MDN1: variants seen among roughly 807,000 people sequenced by gnomAD.
The protein encoded by MDN1 is midasin AAA ATPase 1.
Under a neutral mutation model 669.2 loss-of-function variants are expected in MDN1, and 266 were observed. The observed-to-expected ratio is 0.40, with a 90% CI of 0.36 to 0.44. The LOEUF is 0.44. MDN1 is among the 20% of genes least tolerant of loss of function. The pLI is 1.00. For missense variants in MDN1, 5,940 were observed against 6,754.0 expected (o/e 0.88, Z 4.22); for synonymous variants, 2,385 against 2,457.1 (o/e 0.97, Z 0.87).
At position 89,688,641 on chromosome 6, in the gene MDN1, G is replaced by A; in HGVS notation, c.11191C>T (p.Leu3731Phe). 1.2e-6 allele frequency: 2 copies of A among 1,614,152 alleles called. No individual in the cohort carries two copies. The highest frequency in any genetic ancestry group is 1.7e-6 in the Non-Finnish European group (2 of 1,180,024). ...CTGACAGCCTCTGAGAAACCTTGAA[G>A]CACAGGTTGACACTGCCGTGCTTCT... Reference protein sequence around the residue: ...VPEARQCQPVLQGFSEAVSHL... With the variant: ...VPEARQCQPVFQGFSEAVSHL... Residue 3731 changes from leucine to phenylalanine, a missense_variant, in exon 66 of 102, where the codon CTT (leucine) becomes TTT (phenylalanine). This residue lies in a region of MDN1 where 2,280 missense variants were observed against 2,576.3 expected (regional missense o/e 0.88). Coordinates refer to ENST00000369393, the MANE Select transcript of MDN1 (RefSeq NM_014611.3).
In MDN1 at chr6:89,687,817, G is replaced by A. The variant is rs557285665; in HGVS notation, c.11355+261C>T. Among the ~76,000 whole-genome samples the A allele has an allele frequency of 7.2e-5, 11 of 152,274 alleles. No individual in the cohort carries two copies. The East Asian group carries it at 2.1e-3, about 29-fold the overall frequency. On this transcript the variant is annotated intron_variant, in intron 67 of 101. Coordinates refer to ENST00000369393, the MANE Select transcript of MDN1 (RefSeq NM_014611.3). ...ATGTGGGCACTCAGTTGGAATGAAGGCCCACCTGGAAGGCTGGGAGGAGTG... is the reference window on the plus strand; with the variant it reads ...ATGTGGGCACTCAGTTGGAATGAAGACCCACCTGGAAGGCTGGGAGGAGTG...
intron 76 of MDN1, among the ~76,000 whole-genome samples, chr6:89,677,126 T>C (rs1016193107): frequency 6.6e-6 from 1 of 151,994 alleles, no homozygotes. Flanking sequence ...GAGTCTTACT[T>C]TGCCGCCCAG....
chr6:89,792,802 G>A (rs117087531), intron 5 of MDN1, among the ~76,000 whole-genome samples: 256 of 151,890 alleles, frequency 1.7e-3, no homozygotes, highest in Non-Finnish European at 2.8e-3. Context: ...AGGGGGTCAC[G>A]AGGTCAGGCA....
Position 89,689,954 on chromosome 6 carries a change from G to A in MDN1, c.10939C>T (p.His3647Tyr). Residue 3647 changes from histidine to tyrosine, a missense_variant, in exon 65 of 102, where the codon CAT (histidine) becomes TAT (tyrosine). His to Tyr is a moderately conservative substitution (Grantham distance 83). This residue lies in a region of MDN1 where 2,280 missense variants were observed against 2,576.3 expected (regional missense o/e 0.88). Coordinates refer to ENST00000369393, the MANE Select transcript of MDN1 (RefSeq NM_014611.3). ...AGGCTGAGGTAATGCTTTGCTTCAT[G>A]TGGCGGCAGAGTCTGTTGATACCAG... ...SLWYQQTLPPHEAKHYLSLFL... is the reference protein window; with the variant it reads ...SLWYQQTLPPYEAKHYLSLFL... The A allele has an allele frequency of 6.2e-7, 1 of 1,614,224 alleles. No individual in the cohort carries two copies. The highest frequency in any genetic ancestry group is 8.5e-7 in the Non-Finnish European group (1 of 1,180,034).
rs117266574 is a variant in MDN1 at position 89,764,950 on chromosome 6, G to A, written c.2145-2420C>T. Among the ~76,000 whole-genome samples the A allele has an allele frequency of 7.7e-4, 117 of 152,254 alleles. No individual in the cohort carries two copies. In the East Asian group the frequency reaches 0.021, roughly 27 times the overall value. ...AGACTGGGTTACAAAGCAAGACCTTGTCTCCATAAAAAATTATACTTTACT... is the reference window on the plus strand; with the variant it reads ...AGACTGGGTTACAAAGCAAGACCTTATCTCCATAAAAAATTATACTTTACT... On this transcript the variant is annotated intron_variant, in intron 15 of 101. Transcript: ENST00000369393.
At position 89,712,185 on chromosome 6, in the gene MDN1, T is replaced by C. The variant is rs144280452; in HGVS notation, c.7502A>G (p.Asn2501Ser). ...QSPSPENLKF[N>S]AVEVNTYWID... ...CCAGTAAGTATTCACTTCGACTGCATTGAATTTCAGGTTCTCAGGGCTGGG... is the reference window on the plus strand; with the variant it reads ...CCAGTAAGTATTCACTTCGACTGCACTGAATTTCAGGTTCTCAGGGCTGGG... The change falls in exon 49 of 102, where the codon AAT (asparagine) becomes AGT (serine). Residue 2501 changes from asparagine (N) to serine (S), a missense_variant. By Grantham distance (46) the Asn-to-Ser change is conservative. Around this residue, in one of 5 missense-constraint regions of MDN1, gnomAD observed 2,292 missense variants for 2,638.3 expected, o/e 0.87. Coordinates refer to ENST00000369393, the MANE Select transcript of MDN1 (RefSeq NM_014611.3). 29 of 1,614,062 alleles carry C rather than the reference T, an allele frequency of 1.8e-5. No individual in the cohort carries two copies. The highest frequency in any genetic ancestry group is 8.0e-5 in the African/African-American group (6 of 74,928).
intron 7 of MDN1, among the ~76,000 whole-genome samples, chr6:89,788,867 T>G (rs1017085118): frequency 2.2e-4 from 34 of 152,200 alleles, no homozygotes; most frequent in Non-Finnish European, 4.9e-4. Context: ...GGCTCACGCC[T>G]GTAATCCCAG....
At chr6:89,707,752 C>T (rs1285482196) in intron 51 of MDN1, among the ~76,000 whole-genome samples, 1 of 152,144 alleles carries the variant, frequency 6.6e-6, no homozygotes, top group Non-Finnish European at 1.5e-5. Context: ...TTCAAAGTGG[C>T]CATGGTAGAA....
At chr6:89,673,767 C>T (rs757162648) in intron 79 of MDN1, among the ~76,000 whole-genome samples, 1 of 151,836 alleles carries the variant, frequency 6.6e-6, no homozygotes, top group Non-Finnish European at 1.5e-5. Flanking sequence ...AAATTTATTC[C>T]ATTAATGATA....
Position 89,673,245 on chromosome 6 carries a change from T to G in MDN1, c.13465A>C (p.Ser4489Arg). 6.2e-7 allele frequency: 1 copy of G among 1,612,928 alleles called. No homozygotes were observed. The highest frequency in any genetic ancestry group is 1.1e-5 in the South Asian group (1 of 91,066). Residue 4489 changes from serine to arginine, a missense_variant, in exon 80 of 102, where the codon AGC (serine) becomes CGC (arginine). Transcript: ENST00000369393. ...GAACAATATTCCTTACCTCCTTGGCTATCTGAAGTAAGCAGATGGGTCTTC... is the reference window on the plus strand; with the variant it reads ...GAACAATATTCCTTACCTCCTTGGCGATCTGAAGTAAGCAGATGGGTCTTC... ...TWKTHLLTSDSQGGNQMLDEG... is the reference protein window; with the variant it reads ...TWKTHLLTSDRQGGNQMLDEG...
chr6:89,804,130 G>A (rs1320267604), intron 1 of MDN1, among the ~76,000 whole-genome samples: 1 of 149,902 alleles, frequency 6.7e-6, no homozygotes, highest in African/African-American at 2.5e-5. Flanking sequence ...GGCTGGTCTC[G>A]AACTCCTGGC....
intron 47 of MDN1, among the ~76,000 whole-genome samples, 162 bp downstream of exon 47, chr6:89,712,986 G>A (rs1192339531): frequency 2.0e-5 from 3 of 151,358 alleles, no homozygotes; most frequent in African/African-American, 7.3e-5. Context: ...TTACATTCAA[G>A]CTATTTTCCA....
chr6:89,711,295 A>G (rs1239048456), intron 49 of MDN1, among the ~76,000 whole-genome samples: 1 of 152,206 alleles, frequency 6.6e-6, no homozygotes, highest in African/African-American at 2.4e-5. Context: ...AGGGTTCCAC[A>G]TCTGTGGAAT....
At chr6:89,775,888 A>G (rs1050442428) in intron 12 of MDN1, among the ~76,000 whole-genome samples, 12 of 151,966 alleles carry the variant, frequency 7.9e-5, no homozygotes, top group African/African-American at 2.9e-4. Flanking sequence ...AGGGTTTCAC[A>G]GTGTTGGCCA....
intron 37 of MDN1, among the ~76,000 whole-genome samples, chr6:89,726,480 T>TAGAAAAAAAAAAAAAAAAAA (rs1815244660): frequency 1.2e-4 from 8 of 65,162 alleles, no homozygotes; most frequent in African/African-American, 1.2e-4. Flanking sequence ...AAAAGAAAAA[T>TAGAAAAAAAAAAAAAAAAAA]AGAAAAAAAA....
intron 73 of MDN1, among the ~76,000 whole-genome samples, chr6:89,681,388 G>A (rs1286831106): frequency 6.6e-6 from 1 of 152,166 alleles, no homozygotes; most frequent in Non-Finnish European, 1.5e-5. Context: ...TGGCCAGGCT[G>A]GTTTCGAACT....
At chr6:89,761,833 AC>A (rs1817565539) in intron 16 of MDN1, 85 bp from the exon 17 acceptor site, 52 of 1,008,570 alleles carry the variant, frequency 5.2e-5, no homozygotes, top group Non-Finnish European at 8.9e-6. Context: ...TTAACAAAAC[AC>A]ACAAAAATTA....
chr6:89,649,786 G>A (rs760325188), intron 97 of MDN1, among the ~76,000 whole-genome samples: 5 of 152,114 alleles, frequency 3.3e-5, no homozygotes, highest in African/African-American at 1.2e-4. Context: ...ACCTACAACA[G>A]TAAGAAACTA....
At chr6:89,769,430 C>T (rs952489309) in intron 15 of MDN1, among the ~76,000 whole-genome samples, 1 of 152,152 alleles carries the variant, frequency 6.6e-6, no homozygotes, top group Non-Finnish European at 1.5e-5. Context: ...TGGCTCATGT[C>T]TGTAATCTCA....
Sources: gnomAD v4.1 joint callset for allele counts (sites outside exome capture counted in the v4.1 genomes callset) on GRCh38, gnomAD v4.1.1 for gene constraint, gnomAD v4.1.1 regional missense constraint, MANE v1.5 for transcripts, NCBI Gene and HGNC (gene_info 2026-07-23, HGNC 2026-07-21) for gene names.